Variants in KDM4C observed in about 807,000 individuals in gnomAD.
KDM4C encodes lysine-specific demethylase 4C.
Under a neutral mutation model 129.3 loss-of-function variants are expected in KDM4C, and 81 were observed. The observed-to-expected ratio is 0.63, with a 90% CI of 0.52 to 0.75. KDM4C has a LOEUF of 0.75. KDM4C is among the 30% of genes least tolerant of loss of function. KDM4C has a pLI of 0.00. For synonymous variants in KDM4C, 573 were observed against 456.1 expected (o/e 1.26, Z -3.26); for missense variants, 1,457 against 1,304.0 (o/e 1.12, Z -1.81).
At chr9:7,082,871 C>T (rs931648546) in intron 17 of KDM4C, among the ~76,000 whole-genome samples, 16 of 152,104 alleles carry the variant, frequency 1.1e-4, no homozygotes, top group African/African-American at 3.9e-4. Flanking sequence ...AAAAAATTGT[C>T]AGATTTAGGA....
chr9:6,926,818 T>C (rs574336969), intron 8 of KDM4C, among the ~76,000 whole-genome samples: 5 of 152,378 alleles, frequency 3.3e-5, no homozygotes, highest in Admixed American at 1.3e-4. Flanking sequence ...TGGGGACTTA[T>C]GGCTTGTAGT....
intron 17 of KDM4C, among the ~76,000 whole-genome samples, chr9:7,082,060 C>G (rs1191146235): frequency 6.6e-6 from 1 of 152,158 alleles, no homozygotes; most frequent in Non-Finnish European, 1.5e-5. Flanking sequence ...GCCCTGAGAA[C>G]AAAGGCATCA....
intron 4 of KDM4C, among the ~76,000 whole-genome samples, chr9:6,838,034 T>G (rs1460144928): frequency 1.3e-5 from 2 of 152,202 alleles, no homozygotes; most frequent in Non-Finnish European, 2.9e-5. Flanking sequence ...CTACTTTTTT[T>G]GCTTGTTAAT....
At chr9:7,052,890 A>C (rs1054371582) in intron 17 of KDM4C, among the ~76,000 whole-genome samples, 766 of 36,642 alleles carry the variant, frequency 0.021, 35 homozygotes, top group African/African-American at 0.059. Flanking sequence ...AGAGAGAGAG[A>C]GAGAGAGAGA....
intron 1 of KDM4C, among the ~76,000 whole-genome samples, chr9:6,779,133 A>G (rs1385693605): frequency 6.7e-6 from 1 of 149,296 alleles, no homozygotes; most frequent in Non-Finnish European, 1.5e-5. Context: ...GGTTCAAGCC[A>G]TTCTCCTGCC....
intron 1 of KDM4C, among the ~76,000 whole-genome samples, chr9:6,732,133 A>T (rs149271101): frequency 6.6e-6 from 1 of 151,580 alleles, no homozygotes; most frequent in African/African-American, 2.4e-5. Context: ...TTGGGAGGCC[A>T]AGGTGGGCGG....
intron 2 of KDM4C, among the ~76,000 whole-genome samples, chr9:6,799,801 T>C (rs947046364): frequency 1.3e-5 from 2 of 152,080 alleles, no homozygotes; most frequent in African/African-American, 4.8e-5. Flanking sequence ...AGTTAGTTTT[T>C]ATAACATTCT....
At chr9:6,943,985 A>G (rs1396103473) in intron 8 of KDM4C, among the ~76,000 whole-genome samples, 3 of 152,138 alleles carry the variant, frequency 2.0e-5, no homozygotes, top group Non-Finnish European at 2.9e-5. Flanking sequence ...ATCCTTGCTA[A>G]TTTTCAGTCA....
At chr9:6,804,526 G>T (rs940146180) in intron 2 of KDM4C, among the ~76,000 whole-genome samples, 1 of 152,138 alleles carries the variant, frequency 6.6e-6, no homozygotes, top group East Asian at 1.9e-4. Flanking sequence ...TTGGGAGGCC[G>T]AGACGGGTGG....
chr9:7,122,265 A>ACTCT lies in KDM4C; in HGVS notation c.2611-5784_2611-5781dup, dbSNP rs1554751922. Reference sequence around the variant, plus strand: ...CACACACACACACACACACACACACACTCTCTCTCTCTCTCTCTCTTAAAC... The same window carrying ACTCT: ...CACACACACACACACACACACACACACTCTCTCTCTCTCTCTCTCTCTCTTAAAC... On this transcript the variant is annotated intron_variant, in intron 18 of 21. Coordinates refer to ENST00000381309, the MANE Select transcript of KDM4C (RefSeq NM_015061.6). Among the ~76,000 whole-genome samples the ACTCT allele has an allele frequency of 4.1e-5, 6 of 144,820 alleles. No homozygotes were observed. In the East Asian group the frequency reaches 6.2e-4, roughly 15 times the overall value.
At chr9:7,133,547 G>T (rs1041221991) in intron 19 of KDM4C, among the ~76,000 whole-genome samples, 37 of 152,140 alleles carry the variant, frequency 2.4e-4, no homozygotes, top group African/African-American at 8.7e-4. Context: ...TTGCCAAGTC[G>T]CACAAAAGCT....
At chr9:6,766,886 A>G (rs969922003) in intron 1 of KDM4C, among the ~76,000 whole-genome samples, 5 of 152,060 alleles carry the variant, frequency 3.3e-5, no homozygotes, top group Non-Finnish European at 7.4e-5. Context: ...AAGAAGCGAT[A>G]AATTCCTTCA....
intron 1 of KDM4C, among the ~76,000 whole-genome samples, chr9:6,791,607 G>A (rs768712020): frequency 3.3e-5 from 5 of 152,190 alleles, no homozygotes; most frequent in African/African-American, 4.8e-5. Context: ...GTAAACTAAC[G>A]ATTTTTAACA....
At chr9:6,733,383 T>G (rs979998582) in intron 1 of KDM4C, among the ~76,000 whole-genome samples, 16 of 152,204 alleles carry the variant, frequency 1.1e-4, no homozygotes, top group African/African-American at 3.9e-4. Context: ...CAGAGACTGT[T>G]TGCATTTCTA....
intron 7 of KDM4C, among the ~76,000 whole-genome samples, chr9:6,889,783 A>C (rs186451677): frequency 4.7e-4 from 72 of 152,308 alleles, no homozygotes; most frequent in African/African-American, 1.7e-3. Flanking sequence ...TGGTAGCTTA[A>C]GGCTGATACG....
intron 12 of KDM4C, among the ~76,000 whole-genome samples, chr9:7,007,071 C>G (rs17180316): frequency 0.14 from 21,842 of 152,164 alleles, 2,165 homozygotes; most frequent in South Asian, 0.42. Context: ...CTGGTTTCCC[C>G]ATTTCCACCT....
At chr9:6,750,481 G>A (rs1206324918) in intron 1 of KDM4C, among the ~76,000 whole-genome samples, 5 of 151,038 alleles carry the variant, frequency 3.3e-5, no homozygotes, top group Non-Finnish European at 1.5e-5. Context: ...AGCACTTGAA[G>A]CGAAAGTGAA....
intron 8 of KDM4C, among the ~76,000 whole-genome samples, chr9:6,940,038 C>CTTCCTTCT (rs1563850290): frequency 9.5e-5 from 13 of 137,514 alleles, no homozygotes; most frequent in African/African-American, 3.3e-4. Context: ...TCCTTCTTTC[C>CTTCCTTCT]TTCCTTCCCT....
At chr9:6,900,289 G>T (rs997596494) in intron 8 of KDM4C, among the ~76,000 whole-genome samples, 4 of 152,200 alleles carry the variant, frequency 2.6e-5, no homozygotes, top group African/African-American at 9.7e-5. Flanking sequence ...CCAATGTCCT[G>T]TACCCTTCTG....
Sources: gnomAD v4.1 joint callset for allele counts (sites outside exome capture counted in the v4.1 genomes callset) on GRCh38, gnomAD v4.1.1 for gene constraint, MANE v1.5 for transcripts, NCBI Gene and HGNC (gene_info 2026-07-23, HGNC 2026-07-21) for gene names.